JAG2: variants seen among roughly 807,000 people sequenced by gnomAD.
JAG2 encodes the protein jagged canonical Notch ligand 2, also known as protein jagged-2.
In JAG2, 46 loss-of-function variants were observed where a neutral mutation model predicts 141.7. That is an observed-to-expected ratio of 0.32 (90% confidence interval 0.26 to 0.42). The LOEUF is 0.42. Among genes scored for constraint, JAG2 ranks in the 10% least tolerant of loss-of-function variants. The pLI, the probability that JAG2 is intolerant of heterozygous loss-of-function variation, is 1.00. For missense variants in JAG2, 1,500 were observed against 1,817.5 expected (o/e 0.83, Z 3.18); for synonymous variants, 862 against 763.5 (o/e 1.13, Z -2.13).
chr14:105,143,409 ATCGGCCGGC>A, intron 25 of JAG2, 64 bp downstream of exon 25: 1 of 1,502,974 alleles, frequency 6.7e-7, no homozygotes, highest in Non-Finnish European at 8.9e-7. Context: ...GATCGGCAGG[ATCGGCCGGC>A]TCTGTGCCCA....
rs888811590 is a variant in JAG2 at position 105,149,021 on chromosome 14, G to C, written c.1822C>G (p.Pro608Ala). 1 of 1,606,886 alleles carries C rather than the reference G, an allele frequency of 6.2e-7. No individual in the cohort carries two copies. Among genetic ancestry groups the C allele is most frequent in the African/African-American group, 1.3e-5 (1 of 74,820 alleles). Reference protein sequence around the residue: ...PGTAASGVCGPHGRCVSQPGG... With the variant: ...PGTAASGVCGAHGRCVSQPGG... ...GGCTGGCTGACGCAGCGTCCATGGGGGCCACACACGCCGGAGGCTGCTGTG... is the reference window on the plus strand; with the variant it reads ...GGCTGGCTGACGCAGCGTCCATGGGCGCCACACACGCCGGAGGCTGCTGTG... The change falls in exon 14 of 26, where the codon CCC (proline) becomes GCC (alanine). Residue 608 changes from proline (P) to alanine (A), a missense_variant. This residue lies in a region of JAG2 where 875 missense variants were observed against 1,202.2 expected (regional missense o/e 0.73). Transcript: ENST00000331782.
chr14:105,168,165 G>T (rs1469413690), intron 1 of JAG2, 58 bp from the exon 2 acceptor site: 1 of 1,397,644 alleles, frequency 7.2e-7, no homozygotes, highest in African/African-American at 1.5e-5. Flanking sequence ...GGCGGGCCGG[G>T]CGCCAGGGGT....
rs2140968131 is a variant in JAG2, at chr14:105,143,123, C to G, written c.3289G>C (p.Ala1097Pro). 6.3e-7 allele frequency: 1 copy of G among 1,599,132 alleles called. No homozygotes were observed. Among genetic ancestry groups the G allele is most frequent in the East Asian group, 2.2e-5 (1 of 44,866 alleles). The change falls in exon 26 of 26, where the codon GCG becomes CCG. Residue 1097 changes from alanine to proline, a missense_variant. Around this residue, in one of 3 missense-constraint regions of JAG2, gnomAD observed 425 missense variants for 441.0 expected, o/e 0.96. Transcript: ENST00000331782. ...CACCACACGCACAGGACCACGCACG[C>G]CAGCCACAGCACGCTGAAGGCACCA... ...LCGAFSVLWLACVVLCVWWTR... is the reference protein window; with the variant it reads ...LCGAFSVLWLPCVVLCVWWTR...
intron 24 of JAG2, 89 bp from the exon 25 acceptor site, chr14:105,143,727 G>C (rs917184852): frequency 1.3e-6 from 2 of 1,521,092 alleles, no homozygotes; most frequent in Non-Finnish European, 1.8e-6. Context: ...GGCCACACTG[G>C]AGCAAGGTGG....
rs2140970752 is a variant in JAG2, at chr14:105,145,075, G to A, written c.2953-14C>T. 1 of 1,609,236 alleles carries A rather than the reference G, an allele frequency of 6.2e-7. No individual in the cohort carries two copies. The highest frequency in any genetic ancestry group is 2.2e-5 in the East Asian group (1 of 44,866). On this transcript the variant is annotated splice_polypyrimidine_tract_variant and intron_variant, in intron 23 of 25. Coordinates refer to ENST00000331782, the MANE Select transcript of JAG2 (RefSeq NM_002226.5). ...CACCGTGGTGCCCTGGGCAGAGACA[G>A]GCAGTGCGTGGGCAGGGCAGGGCCG...
chr14:105,146,857 C>T (rs759487692), intron 20 of JAG2, 133 bp from the exon 21 acceptor site: 53 of 768,212 alleles, frequency 6.9e-5, no homozygotes, highest in Middle Eastern at 2.8e-4. Context: ...CCCCTGCCCC[C>T]GAGCCCAAGC....
At chr14:105,165,944 G>A (rs766369812) in intron 2 of JAG2, among the ~76,000 whole-genome samples, 15 of 152,288 alleles carry the variant, frequency 9.8e-5, no homozygotes, top group East Asian at 3.9e-4. Context: ...AGGGACTGCC[G>A]CCGCCCGAGT....
intron 2 of JAG2, among the ~76,000 whole-genome samples, chr14:105,164,544 G>C (rs587640191): frequency 2.0e-5 from 3 of 152,306 alleles, no homozygotes; most frequent in Admixed American, 1.3e-4. Flanking sequence ...CCCAGCCCAA[G>C]CTCAGAAAAA....
At chr14:105,148,500 G>A (rs185338518) in intron 15 of JAG2, 61 bp from the exon 16 acceptor site, 33 of 1,257,654 alleles carry the variant, frequency 2.6e-5, no homozygotes, top group African/African-American at 1.5e-4. Context: ...AGGGCTTCCC[G>A]GGGGAGGAAG....
In JAG2 at chr14:105,154,541, C is replaced by T. The variant is rs1888524967; in HGVS notation, c.788+1021G>A. 6.6e-6 allele frequency among the ~76,000 whole-genome samples: 1 copy of T among 152,182 alleles called. No individual in the cohort carries two copies. Among genetic ancestry groups the T allele is most frequent in the Non-Finnish European group, 1.5e-5 (1 of 68,024 alleles). On this transcript the variant is annotated intron_variant, in intron 5 of 25. Transcript: ENST00000331782. This position sits in a 1 kb window ranked among gnomAD's most constrained non-coding sequence, Gnocchi z 4.4. ...CACACTCTGGTCTGGGTCCAGAGGC[C>T]TCCACCATCTGGACTTGGCTGTAAG... is the stretch of plus-strand genomic sequence containing the variant.
chr14:105,158,581 A>G (rs1297768469), intron 2 of JAG2, among the ~76,000 whole-genome samples: 11 of 152,022 alleles, frequency 7.2e-5, no homozygotes. Flanking sequence ...GCCCACGGAG[A>G]CCGTCACTCA....
intron 2 of JAG2, among the ~76,000 whole-genome samples, chr14:105,158,616 C>A (rs1888644632): frequency 6.6e-6 from 1 of 152,098 alleles, no homozygotes; most frequent in Non-Finnish European, 1.5e-5. Context: ...CAGGTGGGAC[C>A]CCCGGGACAT....
intron 2 of JAG2, among the ~76,000 whole-genome samples, chr14:105,164,201 C>T (rs1035781000): frequency 6.6e-6 from 1 of 152,174 alleles, no homozygotes; most frequent in Non-Finnish European, 1.5e-5. Flanking sequence ...CCAATCCTCC[C>T]TGGCCAAGGG....
At position 105,148,213 on chromosome 14, in the gene JAG2, A is replaced by G. The variant is rs1888291783; in HGVS notation, c.2151T>C (p.Asp717=). 2 of 1,557,328 alleles carry G rather than the reference A, an allele frequency of 1.3e-6. No individual in the cohort carries two copies. The highest frequency in any genetic ancestry group is 1.4e-5 in the African/African-American group (1 of 73,346). ...TGCCACCGTTGCTGCAGGTGTAGGC[A>G]TCGCACTGGAACTCGCCTGTTGGCA... ...KTCHSREFQC[D]AYTCSNGGTC... is the part of the protein sequence containing the mutation. Residue 717 remains aspartate (D), a synonymous_variant, in exon 17 of 26, where the codon GAT becomes GAC. Transcript: ENST00000331782.
At position 105,167,789 on chromosome 14, in the gene JAG2, G is replaced by T; in HGVS notation, c.385C>A (p.Leu129Ile). ...ARAGGDQDPG[L>I]VVIPFQFAWP... The stretch of plus-strand genomic sequence containing the variant: ...GCGAACTGGAAGGGGATGACGACGA[G>T]GCCCGGGTCCTGGTCGCCGCCGGCC... The change falls in exon 2 of 26, where the codon CTC (leucine) becomes ATC (isoleucine). Residue 129 changes from leucine (L) to isoleucine (I), a missense_variant. This residue lies in a region of JAG2 where 875 missense variants were observed against 1,202.2 expected (regional missense o/e 0.73). Coordinates refer to ENST00000331782, the MANE Select transcript of JAG2 (RefSeq NM_002226.5). The surrounding 1 kb of genome is among the most constrained non-coding windows in gnomAD (Gnocchi z 4.8). 2 of 1,464,318 alleles carry T rather than the reference G, an allele frequency of 1.4e-6. No individual in the cohort carries two copies. The highest frequency in any genetic ancestry group is 1.8e-6 in the Non-Finnish European group (2 of 1,110,534). The allele number at this position is 1,464,318 out of a possible 1,614,324, so 90.7% of individuals were successfully genotyped here.
chr14:105,143,701 C>T (rs1464682666), intron 24 of JAG2, 63 bp from the exon 25 acceptor site: 1 of 1,583,322 alleles, frequency 6.3e-7, no homozygotes, highest in African/African-American at 1.3e-5. Context: ...CAGCCTGCCC[C>T]CAACACTGAG....
In JAG2 at chr14:105,151,024, T is replaced by C; in HGVS notation, c.1348A>G (p.Ile450Val). The change falls in exon 10 of 26, where the codon ATC becomes GTC. Residue 450 changes from isoleucine to valine, a missense_variant. Ile to Val is a conservative substitution (Grantham distance 29). Coordinates refer to ENST00000331782, the MANE Select transcript of JAG2 (RefSeq NM_002226.5). ...NLIGGYYCDCIPGWKGINCHI... is the reference protein window; with the variant it reads ...NLIGGYYCDCVPGWKGINCHI... ...CAGTTGATGCCCTTCCAGCCCGGGA[T>C]GCAATCACAGTAATAGCCGCCAATC... 12 of 1,613,068 alleles carry C rather than the reference T, an allele frequency of 7.4e-6. No individual in the cohort carries two copies. The highest frequency in any genetic ancestry group is 1.0e-5 in the Non-Finnish European group (12 of 1,179,844).
chr14:105,163,594 C>CT (rs199744290), intron 2 of JAG2, among the ~76,000 whole-genome samples: 25 of 139,210 alleles, frequency 1.8e-4, no homozygotes, highest in African/African-American at 6.5e-4. Flanking sequence ...GGCCTGTGGT[C>CT]TGGGGACAGG....
chr14:105,148,735 GAACA>G lies in JAG2; in HGVS notation c.2020+6_2020+9del. The G allele has an allele frequency of 6.4e-7, 1 of 1,554,626 alleles. No individual in the cohort carries two copies. The highest frequency in any genetic ancestry group is 1.2e-5 in the South Asian group (1 of 84,804). On this transcript the variant is annotated splice_donor_region_variant and intron_variant, in intron 15 of 25. Coordinates refer to ENST00000331782, the MANE Select transcript of JAG2 (RefSeq NM_002226.5). ...GCACAGGCCGTGTGGGCGGGTGCTG[GAACA>G]CTCACTGGTGTCGCAGAGCTCGCCC...
Sources: allele counts gnomAD v4.1 joint callset (sites outside exome capture counted in the v4.1 genomes callset), GRCh38; gene constraint gnomAD v4.1.1; regional missense constraint gnomAD v4.1.1; non-coding constraint Gnocchi (gnomAD v3.1); transcripts MANE v1.5; gene names NCBI Gene and HGNC (gene_info 2026-07-23, HGNC 2026-07-21).